Variants in EXOSC1 observed in about 807,000 individuals in gnomAD.
EXOSC1 encodes exosome component 1, also known as exosome complex component CSL4.
A neutral mutation model predicts 31.4 loss-of-function variants in EXOSC1; 27 were observed. The observed-to-expected ratio is 0.86, with a 90% CI of 0.63 to 1.18. EXOSC1 has a LOEUF of 1.18. Ranked by LOEUF, EXOSC1 falls within the 50% of genes most tolerant of loss-of-function variation. EXOSC1 has a pLI of 0.00. For missense variants in EXOSC1, 228 were observed against 250.3 expected, an observed-to-expected ratio of 0.91 and a Z score of 0.60; for synonymous variants, 84 against 89.5, an observed-to-expected ratio of 0.94 and a Z score of 0.35.
In EXOSC1 at chr10:97,437,256, T is replaced by C; in HGVS notation, c.416A>G (p.Gln139Arg). The change falls in exon 7 of 8, where the codon CAG becomes CGG. Residue 139 changes from glutamine (Q) to arginine (R), a missense_variant. Transcript: ENST00000370902. ...LAKVISLGDA[Q>R]SNYLLTTAEN... Reference sequence around the variant, plus strand: ...GGCGGTGGTTAGCAGGTAGTTGGACTGTGCATCACCTAAGGAGATCTAGTC... The same window carrying C: ...GGCGGTGGTTAGCAGGTAGTTGGACCGTGCATCACCTAAGGAGATCTAGTC... 6.2e-7 allele frequency: 1 copy of C among 1,613,984 alleles called. No individual in the cohort carries two copies. Among genetic ancestry groups the C allele is most frequent in the Non-Finnish European group, 8.5e-7 (1 of 1,179,968 alleles).
At chr10:97,441,335 T>C in intron 3 of EXOSC1, 76 bp from the exon 4 acceptor site, 3 of 1,228,696 alleles carry the variant, frequency 2.4e-6, no homozygotes, top group Non-Finnish European at 3.6e-6. Flanking sequence ...AACTGGGGAT[T>C]ACTAGGGCTT....
chr10:97,441,147 A>G (rs1394803035), intron 4 of EXOSC1, 24 bp downstream of exon 4: 2 of 1,576,268 alleles, frequency 1.3e-6, no homozygotes, highest in Non-Finnish European at 1.7e-6. Context: ...TTGCTAAGGT[A>G]TATGTGAAAA....
Position 97,436,423 on chromosome 10 carries a change from C to G in EXOSC1, c.*22G>C. ...ATACTCAGGAACAGCTTACCCCCTT[C>G]CATAGGGTAAAAAGTGGCTTCTTAG... is the stretch of plus-strand genomic sequence containing the variant. On this transcript the variant is annotated 3_prime_UTR_variant, in exon 8 of 8. Coordinates refer to ENST00000370902, the MANE Select transcript of EXOSC1 (RefSeq NM_016046.5). 1 of 1,559,306 alleles carries G rather than the reference C, an allele frequency of 6.4e-7. No homozygotes were observed. Among genetic ancestry groups the G allele is most frequent in the Non-Finnish European group, 8.8e-7 (1 of 1,130,964 alleles).
chr10:97,436,895 G>A (rs1176087773), intron 7 of EXOSC1, among the ~76,000 whole-genome samples: 1 of 152,116 alleles, frequency 6.6e-6, no homozygotes, highest in Admixed American at 6.6e-5. Context: ...GTGGTGGCGT[G>A]TGTCTGTAAT....
chr10:97,444,573 A>T (rs191607636), intron 2 of EXOSC1: 1 of 152,368 alleles, frequency 6.6e-6, no homozygotes, highest in Non-Finnish European at 1.5e-5. Flanking sequence ...TCATTTGAGC[A>T]TTTATTTGTT....
chr10:97,445,262 A>G (rs1845896205), intron 2 of EXOSC1: 1 of 159,536 alleles, frequency 6.3e-6, no homozygotes. Context: ...TAGCAGGAGA[A>G]AGCTTGGCGC....
chr10:97,436,587 C>A, intron 7 of EXOSC1, 36 bp from the exon 8 acceptor site: 7 of 1,548,422 alleles, frequency 4.5e-6, no homozygotes, highest in South Asian at 1.2e-5. Flanking sequence ...GCCCAGACCC[C>A]AAAGATTTGC....
intron 2 of EXOSC1, 104 bp from the exon 3 acceptor site, chr10:97,443,415 G>C: frequency 1.0e-6 from 1 of 969,874 alleles, no homozygotes; most frequent in Non-Finnish European, 1.6e-6. Context: ...AAAGGTGAGA[G>C]TTGGAGTATG....
chr10:97,441,133 C>A, intron 4 of EXOSC1, 38 bp downstream of exon 4: 1 of 1,515,872 alleles, frequency 6.6e-7, no homozygotes, highest in South Asian at 1.1e-5. Context: ...TAATCTTATT[C>A]CAGTTGCTAA....
intron 3 of EXOSC1, among the ~76,000 whole-genome samples, chr10:97,441,873 T>G (rs1475417677): frequency 8.3e-6 from 1 of 120,878 alleles, no homozygotes; most frequent in Non-Finnish European, 1.8e-5. Context: ...TGGCTAACAA[T>G]TAAAAAAAAA....
chr10:97,439,705 C>T (rs141955469), intron 4 of EXOSC1, among the ~76,000 whole-genome samples: 1 of 152,172 alleles, frequency 6.6e-6, no homozygotes, highest in Non-Finnish European at 1.5e-5. Context: ...GCAACCACCC[C>T]CTCCATGGTC....
chr10:97,443,111 C>T, intron 3 of EXOSC1, 126 bp downstream of exon 3: 1 of 785,968 alleles, frequency 1.3e-6, no homozygotes, highest in Admixed American at 2.4e-5. Context: ...CAGTGTGAGC[C>T]ACTGTGCCCT....
chr10:97,445,695 GA>G, intron 2 of EXOSC1, 36 bp downstream of exon 2: 1 of 1,600,086 alleles, frequency 6.2e-7, no homozygotes, highest in Non-Finnish European at 8.6e-7. Context: ...CAGCCTAAGG[GA>G]AAAACAGAGG....
At chr10:97,440,261 C>T (rs866626898) in intron 4 of EXOSC1, among the ~76,000 whole-genome samples, 1 of 152,116 alleles carries the variant, frequency 6.6e-6, no homozygotes, top group African/African-American at 2.4e-5. Flanking sequence ...CATGAGCCAC[C>T]ACGCCCAGCC....
At chr10:97,437,163 T>G (rs748712316) in intron 7 of EXOSC1, 28 bp downstream of exon 7, 2 of 1,597,154 alleles carry the variant, frequency 1.3e-6, no homozygotes, top group South Asian at 2.2e-5. Flanking sequence ...CCAGGGAAAG[T>G]AAGGATGTGG....
At chr10:97,436,812 C>G (rs1316597807) in intron 7 of EXOSC1, among the ~76,000 whole-genome samples, 1 of 152,050 alleles carries the variant, frequency 6.6e-6, no homozygotes, top group Admixed American at 6.5e-5. Context: ...TCATTTGAGG[C>G]CAGGAGTTTG....
intron 2 of EXOSC1, 135 bp downstream of exon 2, chr10:97,445,597 C>A: frequency 2.6e-6 from 2 of 754,724 alleles, no homozygotes; most frequent in Non-Finnish European, 4.2e-6. Context: ...GGCGATACGG[C>A]TAGAAGAAAC....
intron 7 of EXOSC1, among the ~76,000 whole-genome samples, chr10:97,436,861 T>C (rs1344285201): frequency 6.6e-6 from 1 of 152,106 alleles, no homozygotes; most frequent in Non-Finnish European, 1.5e-5. Context: ...CTGTCTCTAC[T>C]AAAAATACAA....
intron 4 of EXOSC1, among the ~76,000 whole-genome samples, chr10:97,439,982 T>G (rs1377281596): frequency 6.6e-6 from 1 of 151,768 alleles, no homozygotes; most frequent in Non-Finnish European, 1.5e-5. Flanking sequence ...TTTTTTTTTT[T>G]TTTTTTTGAG....
Sources: gnomAD v4.1 joint callset for allele counts (sites outside exome capture counted in the v4.1 genomes callset) on GRCh38, gnomAD v4.1.1 for gene constraint, MANE v1.5 for transcripts, NCBI Gene and HGNC (gene_info 2026-07-23, HGNC 2026-07-21) for gene names.